GRIA1: variants seen among roughly 807,000 people sequenced by gnomAD.
GRIA1 encodes glutamate ionotropic receptor AMPA type subunit 1.
A neutral mutation model predicts 99.2 loss-of-function variants in GRIA1; 31 were observed. The ratio of observed to expected loss-of-function variants is 0.31; its 90% CI spans 0.23 to 0.42. GRIA1 has a LOEUF of 0.42. Ranked by LOEUF, GRIA1 falls within the 10% of genes least tolerant of loss-of-function variation. GRIA1 has a pLI of 1.00. For synonymous variants in GRIA1, 438 were observed against 432.4 expected, an observed-to-expected ratio of 1.01 and a Z score of -0.16; for missense variants, 782 against 1,157.5, an observed-to-expected ratio of 0.68 and a Z score of 4.71.
chr5:153,785,647 T>A (rs1168650093), intron 13 of GRIA1, among the ~76,000 whole-genome samples: 1 of 152,230 alleles, frequency 6.6e-6, no homozygotes, highest in Non-Finnish European at 1.5e-5. Flanking sequence ...TCTTTCCTTC[T>A]TTTCCCATTG....
rs1273375114 is a variant in GRIA1 at position 153,729,055 on chromosome 5, T to TA, written c.1823+22994dup. On this transcript the variant is annotated intron_variant, in intron 11 of 15. Transcript: ENST00000285900. ...TACACCGTGGAATACTATGCAGCCATAAAAAATGATGAGTTCGTGTCCTTT... is the reference window on the plus strand; with the variant it reads ...TACACCGTGGAATACTATGCAGCCATAAAAAAATGATGAGTTCGTGTCCTTT... Among the ~76,000 whole-genome samples the TA allele has an allele frequency of 2.7e-5, 4 of 148,140 alleles. No individual in the cohort carries two copies. The East Asian group carries it at 6.3e-4, about 23-fold the overall frequency.
chr5:153,797,031 C>G (rs1031663096), intron 14 of GRIA1, among the ~76,000 whole-genome samples: 1 of 152,166 alleles, frequency 6.6e-6, no homozygotes, highest in Non-Finnish European at 1.5e-5. Flanking sequence ...TGCTCCTTCC[C>G]CTTCCCACTG....
At chr5:153,640,902 A>T (rs376921891) in intron 2 of GRIA1, among the ~76,000 whole-genome samples, 1 of 152,106 alleles carries the variant, frequency 6.6e-6, no homozygotes, top group African/African-American at 2.4e-5. Context: ...AGTAAATGTG[A>T]TATTGTTTAA....
intron 11 of GRIA1, among the ~76,000 whole-genome samples, chr5:153,756,814 G>A (rs1479277637): frequency 2.0e-5 from 3 of 152,180 alleles, no homozygotes; most frequent in African/African-American, 4.8e-5. Context: ...TCTGACAACA[G>A]ATTTCTGGAC....
In GRIA1 at chr5:153,802,499, G is replaced by C. The variant is rs376740433; in HGVS notation, c.2520+9G>C. ...AATCCAAGCGGATGAAGGTGGCATC[G>C]TCTTCCCGGGCCTTTTTCCTAACCT... On this transcript the variant is annotated intron_variant, in intron 15 of 15. Transcript: ENST00000285900. The C allele has an allele frequency of 1.9e-6, 3 of 1,613,818 alleles. No homozygotes were observed. The highest frequency in any genetic ancestry group is 2.5e-6 in the Non-Finnish European group (3 of 1,179,832).
chr5:153,530,391 G>A (rs560171116), intron 2 of GRIA1, among the ~76,000 whole-genome samples: 6 of 152,296 alleles, frequency 3.9e-5, no homozygotes, highest in African/African-American at 1.2e-4. Flanking sequence ...AGCTTTAAGC[G>A]GATCACCAAG....
Position 153,765,765 on chromosome 5 carries a change from C to T in GRIA1, c.2022+1133C>T, listed in dbSNP as rs565290651. ...GCTACCGCCTACATATGAACCAGGT[C>T]CTGTGCTAAGCACACCCTACACAAA... is the stretch of plus-strand genomic sequence containing the variant. On this transcript the variant is annotated intron_variant, in intron 12 of 15. Transcript: ENST00000285900. 2.6e-4 allele frequency among the ~76,000 whole-genome samples: 39 copies of T among 152,290 alleles called. No individual in the cohort carries two copies. The South Asian group carries it at 7.3e-3, about 28-fold the overall frequency.
intron 14 of GRIA1, among the ~76,000 whole-genome samples, chr5:153,797,445 T>G (rs1765717943): frequency 6.6e-6 from 1 of 152,216 alleles, no homozygotes; most frequent in Admixed American, 6.5e-5. Context: ...TTTAAAACTC[T>G]CTTCTGGACC....
chr5:153,491,396 T>C, intron 1 of GRIA1: 1 of 732,100 alleles, frequency 1.4e-6, no homozygotes. Flanking sequence ...CACATATATA[T>C]GTAATTGAAG....
intron 11 of GRIA1, among the ~76,000 whole-genome samples, chr5:153,750,380 G>T (rs761661394): frequency 6.6e-6 from 1 of 152,150 alleles, no homozygotes; most frequent in Non-Finnish European, 1.5e-5. Flanking sequence ...AGGGAAATAG[G>T]TTGCACTCAG....
At chr5:153,691,522 A>G (rs1246601806) in intron 8 of GRIA1, among the ~76,000 whole-genome samples, 1 of 152,190 alleles carries the variant, frequency 6.6e-6, no homozygotes, top group Non-Finnish European at 1.5e-5. Context: ...AACTAGAATG[A>G]AAAGACTGGG....
intron 4 of GRIA1, 142 bp from the exon 5 acceptor site, chr5:153,655,677 T>A: frequency 1.5e-6 from 1 of 668,614 alleles, no homozygotes; most frequent in Non-Finnish European, 2.7e-6. Context: ...GCCACCATCA[T>A]TGGATGGTTG....
chr5:153,517,562 C>A (rs1265046917), intron 2 of GRIA1, among the ~76,000 whole-genome samples: 1 of 152,200 alleles, frequency 6.6e-6, no homozygotes, highest in Non-Finnish European at 1.5e-5. Context: ...GCTGTGGCAG[C>A]TCCTTATAAA....
rs147527073 is a variant in GRIA1 at position 153,535,856 on chromosome 5, A to T, written c.220+41791A>T. Reference sequence around the variant, plus strand: ...TTATCCATGTCTTTGATCTGCCACCAAGTTCTGGAGCTGTTACCTCTACTG... The same window carrying T: ...TTATCCATGTCTTTGATCTGCCACCTAGTTCTGGAGCTGTTACCTCTACTG... On this transcript the variant is annotated intron_variant, in intron 2 of 15. Transcript: ENST00000285900. 9.2e-3 allele frequency among the ~76,000 whole-genome samples: 1,402 copies of T among 152,300 alleles called. 79 individuals carry two copies. The highest frequency in any genetic ancestry group is 0.083 in the Admixed American group (1,263 of 15,294).
At chr5:153,716,884 G>A (rs528101283) in intron 11 of GRIA1, among the ~76,000 whole-genome samples, 10 of 152,274 alleles carry the variant, frequency 6.6e-5, no homozygotes, top group East Asian at 5.8e-4. Context: ...AGAAATGATC[G>A]TGCAAATGTG....
At chr5:153,598,193 T>G (rs1057505157) in intron 2 of GRIA1, among the ~76,000 whole-genome samples, 1 of 151,956 alleles carries the variant, frequency 6.6e-6, no homozygotes, top group African/African-American at 2.4e-5. Flanking sequence ...ATATATATAA[T>G]CAAATATACT....
intron 4 of GRIA1, among the ~76,000 whole-genome samples, chr5:153,652,011 T>C (rs1754610092): frequency 6.6e-6 from 1 of 152,180 alleles, no homozygotes; most frequent in Non-Finnish European, 1.5e-5. Flanking sequence ...ATAGCCACTT[T>C]TAGAGGGCTC....
chr5:153,740,752 A>G (rs1392502213), intron 11 of GRIA1, among the ~76,000 whole-genome samples: 1 of 152,140 alleles, frequency 6.6e-6, no homozygotes, highest in African/African-American at 2.4e-5. Context: ...GTGAACTATG[A>G]ACAGAAGTGA....
At chr5:153,584,288 A>T (rs1228904799) in intron 2 of GRIA1, among the ~76,000 whole-genome samples, 1 of 152,192 alleles carries the variant, frequency 6.6e-6, no homozygotes. Flanking sequence ...TGTGGTATAT[A>T]TTAACACGAT....
Sources: allele counts gnomAD v4.1 joint callset (sites outside exome capture counted in the v4.1 genomes callset), GRCh38; gene constraint gnomAD v4.1.1; transcripts MANE v1.5; gene names NCBI Gene and HGNC (gene_info 2026-07-23, HGNC 2026-07-21).